Variants in CATSPERD observed in about 807,000 individuals in gnomAD.
CATSPERD encodes the protein cation channel sperm-associated auxiliary subunit delta.
In CATSPERD, 86 loss-of-function variants were observed where a neutral mutation model predicts 98.1. The observed-to-expected ratio is 0.88, with a 90% CI of 0.74 to 1.05. CATSPERD has a LOEUF of 1.05. Ranked by LOEUF, CATSPERD falls within the 50% of genes least tolerant of loss-of-function variation. The pLI is 0.00. For synonymous variants in CATSPERD, 394 were observed against 390.2 expected (o/e 1.01, Z -0.12); for missense variants, 995 against 1,005.7 (o/e 0.99, Z 0.14).
Position 5,772,821 on chromosome 19 carries a change from C to G in CATSPERD, c.1797C>G (p.Asp599Glu). Residue 599 changes from aspartate to glutamate, a missense_variant, in exon 20 of 22, where the codon GAC becomes GAG. Asp to Glu is a conservative substitution (Grantham distance 45). Around this residue, in one of 3 missense-constraint regions of CATSPERD, gnomAD observed 762 missense variants for 773.7 expected, o/e 0.98. Coordinates refer to ENST00000381624, the MANE Select transcript of CATSPERD (RefSeq NM_152784.4). ...AAGACAGTTTCCAGGAGGTCATCGACGCCGAGTATGTGTTACTGGAGGTGA... is the reference window on the plus strand; with the variant it reads ...AAGACAGTTTCCAGGAGGTCATCGAGGCCGAGTATGTGTTACTGGAGGTGA... The part of the protein sequence containing the change: ...WRKDSFQEVI[D>E]AEYVLLEVNG... 1 of 1,613,954 alleles carries G rather than the reference C, an allele frequency of 6.2e-7. No individual in the cohort carries two copies. The highest frequency in any genetic ancestry group is 8.5e-7 in the Non-Finnish European group (1 of 1,179,906).
At position 5,722,964 on chromosome 19, in the gene CATSPERD, G is replaced by A. The variant is rs1050992000; in HGVS notation, c.72-1844G>A. ...AGCACTTTGGGAGGTGGAGGCGGGCGGATCACGAGGTCAGGAGATCGAGAC... is the reference window on the plus strand; with the variant it reads ...AGCACTTTGGGAGGTGGAGGCGGGCAGATCACGAGGTCAGGAGATCGAGAC... On this transcript the variant is annotated intron_variant, in intron 1 of 21. Transcript: ENST00000381624. 5.8e-4 allele frequency among the ~76,000 whole-genome samples: 88 copies of A among 151,920 alleles called. No homozygotes were observed. The South Asian group carries it at 0.01, about 17-fold the overall frequency.
chr19:5,737,646 C>T (rs1478483551), intron 6 of CATSPERD, among the ~76,000 whole-genome samples: 3 of 150,888 alleles, frequency 2.0e-5, no homozygotes, highest in African/African-American at 4.9e-5. Flanking sequence ...GCCAGGAGCT[C>T]GAGACCAGCC....
intron 3 of CATSPERD, among the ~76,000 whole-genome samples, chr19:5,727,916 T>G (rs1234839809): frequency 1.3e-5 from 2 of 151,016 alleles, no homozygotes. Context: ...GGAGGCCAGG[T>G]GCAGTGACTC....
Position 5,720,736 on chromosome 19 carries a change from C to A in CATSPERD, c.-2C>A. 1 of 1,606,562 alleles carries A rather than the reference C, an allele frequency of 6.2e-7. No individual in the cohort carries two copies. The highest frequency in any genetic ancestry group is 1.1e-5 in the South Asian group (1 of 90,952). Reference sequence around the variant, plus strand: ...CAGTGGTGGCGGCGGAAGCCCAAGTCGATGCTGATGTTGATGCTGGTGGCG... The same window carrying A: ...CAGTGGTGGCGGCGGAAGCCCAAGTAGATGCTGATGTTGATGCTGGTGGCG... On this transcript the variant is annotated 5_prime_UTR_variant, in exon 1 of 22. Coordinates refer to ENST00000381624, the MANE Select transcript of CATSPERD (RefSeq NM_152784.4).
rs2055910588 is a variant in CATSPERD, at chr19:5,739,309, C to T, written c.460-17C>T. The T allele has an allele frequency of 1.1e-5, 12 of 1,074,416 alleles. No individual in the cohort carries two copies. Among genetic ancestry groups the T allele is most frequent in the Admixed American group, 4.3e-5 (2 of 46,180 alleles). The allele number at this position is 1,074,416 out of a possible 1,614,324, so 66.6% of individuals were successfully genotyped here. On this transcript the variant is annotated splice_polypyrimidine_tract_variant and intron_variant, in intron 6 of 21. Coordinates refer to ENST00000381624, the MANE Select transcript of CATSPERD (RefSeq NM_152784.4). ...GGCATCTTTCTTTCATTCTTTCTTT[C>T]TTTTTTTTTTTTATAGCATGTCAGT... is the stretch of plus-strand genomic sequence containing the variant.
chr19:5,742,137 C>T (rs537010243), intron 7 of CATSPERD, among the ~76,000 whole-genome samples: 6 of 142,596 alleles, frequency 4.2e-5, no homozygotes, highest in Middle Eastern at 3.7e-3. Context: ...TGCGTGTGTG[C>T]GCGTGTGTAC....
intron 12 of CATSPERD, 77 bp downstream of exon 12, chr19:5,751,900 C>G: frequency 7.4e-7 from 1 of 1,346,940 alleles, no homozygotes; most frequent in South Asian, 1.5e-5. Flanking sequence ...TGGTGGTGCA[C>G]GCCTGTAGCC....
chr19:5,747,610 C>CTTTTTTTTT (rs10603074), intron 9 of CATSPERD, among the ~76,000 whole-genome samples: 1 of 87,652 alleles, frequency 1.1e-5, no homozygotes, highest in Non-Finnish European at 2.3e-5. Context: ...TTTTTCTTTT[C>CTTTTTTTTT]TTTTTTTTTT....
chr19:5,774,449 T>C (rs955580941), intron 20 of CATSPERD, among the ~76,000 whole-genome samples: 2 of 151,676 alleles, frequency 1.3e-5, no homozygotes, highest in African/African-American at 4.8e-5. Context: ...TCCCAGCACT[T>C]TGGGAGGCCA....
At chr19:5,756,745 G>A (rs1242876020) in intron 13 of CATSPERD, among the ~76,000 whole-genome samples, 10 of 151,952 alleles carry the variant, frequency 6.6e-5, no homozygotes, top group African/African-American at 2.2e-4. Flanking sequence ...GGGAGTTTGA[G>A]ACCAGCCTGT....
intron 4 of CATSPERD, among the ~76,000 whole-genome samples, chr19:5,731,560 G>C (rs1488154871): frequency 1.3e-5 from 1 of 75,724 alleles, no homozygotes; most frequent in African/African-American, 5.0e-5. Flanking sequence ...ACACTTAACA[G>C]TTTTTTTTTT....
At chr19:5,751,196 TCAAAAAAAAAAAAAAAAAAAAAAAAAA>T in intron 11 of CATSPERD, among the ~76,000 whole-genome samples, 1 of 18,050 alleles carries the variant, frequency 5.5e-5, no homozygotes, top group African/African-American at 2.2e-4. Flanking sequence ...AGATTCCGTC[TCAAAAAAAAAAAAAAAAAAAAAAAAAA>T]AAAAAAAAAA....
intron 4 of CATSPERD, among the ~76,000 whole-genome samples, chr19:5,730,946 AGCCGAGATC>A (rs540848525): frequency 6.9e-4 from 104 of 151,780 alleles, no homozygotes; most frequent in Admixed American, 1.1e-3. Flanking sequence ...GCTTGCAGTG[AGCCGAGATC>A]GCGCCACTGC....
In CATSPERD at chr19:5,720,758, G is replaced by A; in HGVS notation, c.21G>A (p.Val7=). MLMLML[V]AAVTMWLRPL... ...AGTCGATGCTGATGTTGATGCTGGT[G>A]GCGGCTGTGACCATGTGGCTCCGAC... Residue 7 remains valine, a synonymous_variant, in exon 1 of 22, where the codon GTG becomes GTA. Coordinates refer to ENST00000381624, the MANE Select transcript of CATSPERD (RefSeq NM_152784.4). 2 of 1,605,742 alleles carry A rather than the reference G, an allele frequency of 1.2e-6. No individual in the cohort carries two copies. Among genetic ancestry groups the A allele is most frequent in the Non-Finnish European group, 1.7e-6 (2 of 1,179,744 alleles).
intron 5 of CATSPERD, among the ~76,000 whole-genome samples, chr19:5,736,488 G>A (rs1244473575): frequency 1.3e-5 from 2 of 151,974 alleles, no homozygotes; most frequent in South Asian, 2.1e-4. Flanking sequence ...AGGCCGAGGC[G>A]GGTGGATCAC....
At chr19:5,774,631 G>A (rs998403044) in intron 20 of CATSPERD, among the ~76,000 whole-genome samples, 1 of 152,156 alleles carries the variant, frequency 6.6e-6, no homozygotes, top group Non-Finnish European at 1.5e-5. Flanking sequence ...GAAGGTTGCA[G>A]TGAGCCGAAA....
Position 5,761,123 on chromosome 19 carries a change from G to A in CATSPERD, c.1427+1979G>A, listed in dbSNP as rs151168676. Reference sequence around the variant, plus strand: ...ATAATCTTGGCTCACTGCAACCTCCGCCTCCTGGGTTCAAGCCATTCTCCT... The same window carrying A: ...ATAATCTTGGCTCACTGCAACCTCCACCTCCTGGGTTCAAGCCATTCTCCT... On this transcript the variant is annotated intron_variant, in intron 15 of 21. Coordinates refer to ENST00000381624, the MANE Select transcript of CATSPERD (RefSeq NM_152784.4). 1.6e-3 allele frequency among the ~76,000 whole-genome samples: 237 copies of A among 151,418 alleles called. 1 individual carries two copies. The highest frequency in any genetic ancestry group is 5.2e-3 in the African/African-American group (213 of 41,306).
At chr19:5,744,345 T>G in intron 7 of CATSPERD, 82 bp from the exon 8 acceptor site, 1 of 1,174,134 alleles carries the variant, frequency 8.5e-7, no homozygotes, top group Non-Finnish European at 1.2e-6. Context: ...CATTGTAACT[T>G]ATTAGATAAT....
At chr19:5,773,608 C>G (rs535791529) in intron 20 of CATSPERD, among the ~76,000 whole-genome samples, 97 of 151,990 alleles carry the variant, frequency 6.4e-4, no homozygotes, top group Non-Finnish European at 1.1e-3. Context: ...ACTGAAGACT[C>G]AAGCCTCAAG....
Sources: allele counts gnomAD v4.1 joint callset (sites outside exome capture counted in the v4.1 genomes callset), GRCh38; gene constraint gnomAD v4.1.1; regional missense constraint gnomAD v4.1.1; transcripts MANE v1.5; gene names NCBI Gene and HGNC (gene_info 2026-07-23, HGNC 2026-07-21).